ANKS1B: variants seen among roughly 807,000 people sequenced by gnomAD.
ANKS1B encodes the protein ankyrin repeat and sterile alpha motif domain-containing protein 1B.
A neutral mutation model predicts 148.3 loss-of-function variants in ANKS1B; 36 were observed. The observed-to-expected ratio is 0.24, with a 90% confidence interval of 0.19 to 0.32. ANKS1B has a LOEUF of 0.32. Ranked by LOEUF, ANKS1B falls within the 10% of genes least tolerant of loss-of-function variation. The pLI is 1.00. For missense variants in ANKS1B, 1,157 were observed against 1,542.6 expected, an observed-to-expected ratio of 0.75 and a Z score of 4.19; for synonymous variants, 542 against 560.8, an observed-to-expected ratio of 0.97 and a Z score of 0.47.
downstream of ANKS1B, among the ~76,000 whole-genome samples, chr12:98,742,945 A>C (rs1046462444): frequency 1.3e-5 from 2 of 152,142 alleles, no homozygotes; most frequent in Non-Finnish European, 2.9e-5. Flanking sequence ...ATTTCAAAAA[A>C]TGTGTTTCGA....
intron 8 of ANKS1B, among the ~76,000 whole-genome samples, chr12:99,743,464 C>A (rs1661903390): frequency 1.3e-5 from 2 of 152,212 alleles, no homozygotes; most frequent in South Asian, 4.1e-4. Context: ...TTTGGAATGG[C>A]AAGTCATCTT....
chr12:98,758,941 A>T (rs866243124), intron 25 of ANKS1B, among the ~76,000 whole-genome samples: 82 of 135,882 alleles, frequency 6.0e-4, no homozygotes, highest in African/African-American at 2.0e-3. Context: ...CGCCTGGCTA[A>T]TTTTTTTTTT....
At chr12:98,763,786 A>T (rs1566171508) in intron 25 of ANKS1B, among the ~76,000 whole-genome samples, 1 of 152,186 alleles carries the variant, frequency 6.6e-6, no homozygotes, top group South Asian at 2.1e-4. Context: ...GCGCAACATT[A>T]TCTCATAGTT....
intron 9 of ANKS1B, among the ~76,000 whole-genome samples, chr12:99,507,683 G>A (rs1057512621): frequency 6.6e-6 from 1 of 151,838 alleles, no homozygotes; most frequent in African/African-American, 2.4e-5. Context: ...GGGAAGGTGA[G>A]GCCCCCGCGG....
At chr12:99,647,982 C>T (rs1231443461) in intron 9 of ANKS1B, 6 of 704,480 alleles carry the variant, frequency 8.5e-6, no homozygotes, top group South Asian at 2.0e-5. Context: ...GACTGACTGT[C>T]TCTGGCATTG....
intron 10 of ANKS1B, among the ~76,000 whole-genome samples, chr12:99,447,460 T>C (rs934802025): frequency 4.6e-5 from 7 of 151,988 alleles, no homozygotes; most frequent in African/African-American, 1.7e-4. Flanking sequence ...AACATTTTCT[T>C]AATTAATTAA....
Position 99,847,889 on chromosome 12 carries a change from C to G in ANKS1B, c.135-22500G>C, listed in dbSNP as rs563088453. On this transcript the variant is annotated intron_variant, in intron 1 of 26. Coordinates refer to ENST00000683438, the MANE Select transcript of ANKS1B (RefSeq NM_001352186.2). ...ATGGTTGAACTTTCCCTTTGCTTGA[C>G]CTACCCCAAAGCTTAAGGCAGAGTG... Among the ~76,000 whole-genome samples the G allele has an allele frequency of 8.4e-4, 128 of 152,140 alleles. 1 individual carries two copies. In the Middle Eastern group the frequency reaches 0.02, roughly 24 times the overall value.
At chr12:99,846,712 A>G (rs1347643841) in intron 1 of ANKS1B, among the ~76,000 whole-genome samples, 1 of 152,162 alleles carries the variant, frequency 6.6e-6, no homozygotes, top group Non-Finnish European at 1.5e-5. Context: ...CACAGAATTT[A>G]CAAACATAGT....
intron 1 of ANKS1B, among the ~76,000 whole-genome samples, chr12:99,850,091 A>G (rs908995709): frequency 1.5e-4 from 23 of 152,110 alleles, no homozygotes; most frequent in Non-Finnish European, 1.6e-4. Flanking sequence ...AGGAATGGAG[A>G]TTTCATTAGA....
At chr12:98,958,366 C>A (rs943077767) in intron 17 of ANKS1B, among the ~76,000 whole-genome samples, 1 of 152,190 alleles carries the variant, frequency 6.6e-6, no homozygotes, top group Non-Finnish European at 1.5e-5. Context: ...AGCAATATAT[C>A]TTAGAGTGAG....
At position 99,278,504 on chromosome 12, in the gene ANKS1B, C is replaced by T. The variant is rs201484348; in HGVS notation, c.1757-31640G>A. On this transcript the variant is annotated intron_variant, in intron 12 of 26. Coordinates refer to ENST00000683438, the MANE Select transcript of ANKS1B (RefSeq NM_001352186.2). ...CAGAGACATAGGAAAAAAGAAGTTC[C>T]CCAAATATATTTTGTTTCCATATGC... Among the ~76,000 whole-genome samples, 7 of 152,234 alleles carry T rather than the reference C, an allele frequency of 4.6e-5. No homozygotes were observed. In the East Asian group the frequency reaches 1.2e-3, roughly 25 times the overall value.
intron 8 of ANKS1B, among the ~76,000 whole-genome samples, chr12:99,696,920 G>A (rs956567743): frequency 6.6e-6 from 1 of 152,120 alleles, no homozygotes; most frequent in Non-Finnish European, 1.5e-5. Flanking sequence ...ATGGGCAAAA[G>A]ATCTTAACAG....
intron 12 of ANKS1B, among the ~76,000 whole-genome samples, chr12:99,345,803 C>T (rs1397492926): frequency 3.3e-5 from 5 of 151,910 alleles, no homozygotes; most frequent in African/African-American, 4.8e-5. Context: ...GCATCACCTG[C>T]GGAGCTGAGC....
intron 12 of ANKS1B, among the ~76,000 whole-genome samples, chr12:99,346,842 TC>T (rs960521415): frequency 2.0e-5 from 3 of 151,894 alleles, no homozygotes; most frequent in Admixed American, 6.6e-5. Context: ...CGTGCCTGCT[TC>T]CCCTTCACCT....
At chr12:99,057,322 T>C (rs1316532997) in intron 16 of ANKS1B, among the ~76,000 whole-genome samples, 1 of 152,244 alleles carries the variant, frequency 6.6e-6, no homozygotes, top group Non-Finnish European at 1.5e-5. Flanking sequence ...TATTCAATTA[T>C]AACTCTTAGT....
chr12:99,168,966 G>C (rs1023482353), intron 14 of ANKS1B, among the ~76,000 whole-genome samples: 6 of 152,146 alleles, frequency 3.9e-5, no homozygotes, highest in African/African-American at 1.4e-4. Flanking sequence ...TCTTTTAAAA[G>C]TAAAAGGCAG....
chr12:99,017,163 C>T (rs7979211), intron 17 of ANKS1B, among the ~76,000 whole-genome samples: 40,939 of 152,052 alleles, frequency 0.27, 5,862 homozygotes, highest in South Asian at 0.38. Flanking sequence ...AGAAATCTAA[C>T]ATAGTTGACT....
chr12:99,367,837 CAT>C (rs2092859673), intron 12 of ANKS1B, among the ~76,000 whole-genome samples: 1 of 151,660 alleles, frequency 6.6e-6, no homozygotes, highest in Non-Finnish European at 1.5e-5. Context: ...AAAATGATAA[CAT>C]AGCGGATGAA....
intron 1 of ANKS1B, among the ~76,000 whole-genome samples, chr12:99,915,008 C>G (rs780531107): frequency 2.6e-5 from 4 of 151,926 alleles, no homozygotes; most frequent in Admixed American, 2.6e-4. Context: ...GGTGGATCAC[C>G]TGAGATCAGG....
Sources: allele counts gnomAD v4.1 joint callset (sites outside exome capture counted in the v4.1 genomes callset), GRCh38; gene constraint gnomAD v4.1.1; transcripts MANE v1.5; gene names NCBI Gene and HGNC (gene_info 2026-07-23, HGNC 2026-07-21).